P3R3URF: variants seen among roughly 807,000 people sequenced by gnomAD.
P3R3URF encodes P3R3URF protein.
P3R3URF carries 6 observed loss-of-function variants against 8.0 expected under a neutral mutation model. The ratio of observed to expected loss-of-function variants is 0.75; its 90% CI spans 0.41 to 1.47. P3R3URF has a LOEUF of 1.47. P3R3URF is among the 40% of genes most tolerant of loss of function. The probability of loss-of-function intolerance (pLI) is 0.01; values close to 1 mark genes in which losing one functional copy is unlikely to be tolerated. For synonymous variants in P3R3URF, 39 were observed against 36.7 expected, an observed-to-expected ratio of 1.06 and a Z score of -0.23; for missense variants, 121 against 117.3, an observed-to-expected ratio of 1.03 and a Z score of -0.14.
chr1:46,176,467 C>T lies in P3R3URF; in HGVS notation c.5G>A (p.Gly2Glu), dbSNP rs991865302. 7 of 1,535,530 alleles carry T rather than the reference C, an allele frequency of 4.6e-6. No homozygotes were observed. The highest frequency in any genetic ancestry group is 1.2e-5 in the South Asian group (1 of 84,058). M[G>E]PSRLVRGPRP... The stretch of plus-strand genomic sequence containing the variant: ...AGGGCCACGGACAAGCCGAGATGGC[C>T]CCATGGGCACAGGGAGCTTCTGCAG... Residue 2 changes from glycine to glutamate, a missense_variant, in exon 1 of 2, where the codon GGG (glycine) becomes GAG (glutamate). Physicochemically the swap from Gly to Glu is moderately conservative, Grantham distance 98 (BLOSUM62 -2). Transcript: ENST00000506599.
At chr1:46,175,873 T>G (rs1256516971) in intron 1 of P3R3URF, 6 of 118,400 alleles carry the variant, frequency 5.1e-5, no homozygotes, top group South Asian at 1.8e-4. Flanking sequence ...CTGGCTCTGG[T>G]TTTTTTTTTT....
At position 46,176,312 on chromosome 1, in the gene P3R3URF, C is replaced by T; in HGVS notation, c.160G>A (p.Ala54Thr). 19 of 1,535,794 alleles carry T rather than the reference C, an allele frequency of 1.2e-5. No individual in the cohort carries two copies. Among genetic ancestry groups the T allele is most frequent in the Non-Finnish European group, 1.6e-5 (18 of 1,146,926 alleles). ...GCCCTGGTGGCAGGATTGATGGCTG[C>T]ACTGCTGGCAGTTCGACCTCGGAGA... Reference protein sequence around the residue: ...QGLRGRTASSAAINPATRAMG... With the variant: ...QGLRGRTASSTAINPATRAMG... The change falls in exon 1 of 2, where the codon GCA (alanine) becomes ACA (threonine). Residue 54 changes from alanine to threonine, a missense_variant. Transcript: ENST00000506599.
In P3R3URF at chr1:46,176,299, G is replaced by C. The variant is rs774915784; in HGVS notation, c.173C>G (p.Pro58Arg). The C allele has an allele frequency of 3.8e-5, 59 of 1,535,690 alleles. No individual in the cohort carries two copies. The highest frequency in any genetic ancestry group is 5.1e-5 in the Non-Finnish European group (59 of 1,146,924). ...GTTGATACCCATGGCCCTGGTGGCAGGATTGATGGCTGCACTGCTGGCAGT... is the reference window on the plus strand; with the variant it reads ...GTTGATACCCATGGCCCTGGTGGCACGATTGATGGCTGCACTGCTGGCAGT... ...GRTASSAAIN[P>R]ATRAMGINNT... is the part of the protein sequence containing the mutation. Residue 58 changes from proline to arginine, a missense_variant, in exon 1 of 2, where the codon CCT becomes CGT. Coordinates refer to ENST00000506599, the MANE Select transcript of P3R3URF (RefSeq NM_001328655.2).
At chr1:46,176,043 T>C (rs1374456640) in intron 1 of P3R3URF, among the ~76,000 whole-genome samples, 185 bp downstream of exon 1, 4 of 152,086 alleles carry the variant, frequency 2.6e-5, no homozygotes, top group Non-Finnish European at 5.9e-5. Context: ...CGGCTAATTT[T>C]TTTTTGTATT....
At chr1:46,176,171 A>T in intron 1 of P3R3URF, 57 bp downstream of exon 1, 1 of 1,527,228 alleles carries the variant, frequency 6.5e-7, no homozygotes, top group Non-Finnish European at 8.8e-7. Context: ...CACCGCACCC[A>T]GCCTAGTGGC....
chr1:46,176,468 C>T lies in P3R3URF; in HGVS notation c.4G>A (p.Gly2Arg), dbSNP rs889500703. 8 of 1,535,528 alleles carry T rather than the reference C, an allele frequency of 5.2e-6. No homozygotes were observed. The highest frequency in any genetic ancestry group is 7.0e-6 in the Non-Finnish European group (8 of 1,146,878). ...GGGCCACGGACAAGCCGAGATGGCC[C>T]CATGGGCACAGGGAGCTTCTGCAGT... M[G>R]PSRLVRGPRP... Residue 2 changes from glycine (G) to arginine (R), a missense_variant, in exon 1 of 2, where the codon GGG (glycine) becomes AGG (arginine). Physicochemically the swap from Gly to Arg is moderately radical, Grantham distance 125. Coordinates refer to ENST00000506599, the MANE Select transcript of P3R3URF (RefSeq NM_001328655.2).
chr1:46,176,266 T>C lies in P3R3URF; in HGVS notation c.206A>G (p.His69Arg). 1.3e-6 allele frequency: 2 copies of C among 1,535,754 alleles called. No homozygotes were observed. The highest frequency in any genetic ancestry group is 1.4e-5 in the African/African-American group (1 of 73,186). ...ATRAMGINNT[H>R]TDTTIVWIFP... is the part of the protein sequence containing the mutation. ...GATCCACACTATGGTGGTGTCAGTGTGGGTGTTGTTGATACCCATGGCCCT... is the reference window on the plus strand; with the variant it reads ...GATCCACACTATGGTGGTGTCAGTGCGGGTGTTGTTGATACCCATGGCCCT... Residue 69 changes from histidine (H) to arginine (R), a missense_variant, in exon 1 of 2, where the codon CAC (histidine) becomes CGC (arginine). By Grantham distance (29) the His-to-Arg change is conservative. Transcript: ENST00000506599.
chr1:46,176,227 C>A lies in P3R3URF; in HGVS notation c.244+1G>T. 5.2e-6 allele frequency: 8 copies of A among 1,535,394 alleles called. No homozygotes were observed. Among genetic ancestry groups the A allele is most frequent in the African/African-American group, 1.4e-5 (1 of 73,074 alleles). On this transcript the variant is annotated splice_donor_variant, in intron 1 of 1. Coordinates refer to ENST00000506599, the MANE Select transcript of P3R3URF (RefSeq NM_001328655.2). LOFTEE classifies it high-confidence loss of function. ...CCTGGCTCACAGGCCCCCTGGCTAA[C>A]CTTGAGGTGGGAAGATCCACACTAT...
intron 1 of P3R3URF, chr1:46,175,866 G>C: frequency 2.3e-6 from 1 of 429,506 alleles, no homozygotes; most frequent in East Asian, 3.5e-5. Flanking sequence ...ATCTTCACTG[G>C]CTCTGGTTTT....
chr1:46,176,289 C>A lies in P3R3URF; in HGVS notation c.183G>T (p.Arg61Ser), dbSNP rs1312277700. ...ASSAAINPAT[R>S]AMGINNTHTD... Reference sequence around the variant, plus strand: ...TGTGGGTGTTGTTGATACCCATGGCCCTGGTGGCAGGATTGATGGCTGCAC... The same window carrying A: ...TGTGGGTGTTGTTGATACCCATGGCACTGGTGGCAGGATTGATGGCTGCAC... Residue 61 changes from arginine to serine, a missense_variant, in exon 1 of 2, where the codon AGG becomes AGT. By Grantham distance (110) the Arg-to-Ser change is moderately radical. Transcript: ENST00000506599. 2.0e-6 allele frequency: 3 copies of A among 1,535,668 alleles called. No individual in the cohort carries two copies. The East Asian group carries it at 7.3e-5, about 38-fold the overall frequency.
chr1:46,175,992 C>T, intron 1 of P3R3URF: 1 of 545,226 alleles, frequency 1.8e-6, no homozygotes, highest in Non-Finnish European at 3.3e-6. Flanking sequence ...CCTGCCTCAG[C>T]CTCCCAAGTA....
Position 46,176,091 on chromosome 1 carries a change from G to A in P3R3URF, c.244+137C>T, listed in dbSNP as rs1003872942. On this transcript the variant is annotated intron_variant, in intron 1 of 1. Coordinates refer to ENST00000506599, the MANE Select transcript of P3R3URF (RefSeq NM_001328655.2). ...GGGATTTCACCGTGTTAGCCAGGAT[G>A]GTCTCGATCTCCTGACCTTGTGATC... is the stretch of plus-strand genomic sequence containing the variant. The A allele has an allele frequency of 2.8e-5, 25 of 898,250 alleles. No homozygotes were observed. The African/African-American group carries it at 3.5e-4, about 13-fold the overall frequency. The allele number at this position is 898,250 out of a possible 1,614,324, so 55.6% of individuals were successfully genotyped here.
chr1:46,176,128 G>A (rs1032921840), intron 1 of P3R3URF, 100 bp downstream of exon 1: 1 of 1,347,750 alleles, frequency 7.4e-7, no homozygotes, highest in Non-Finnish European at 1.0e-6. Flanking sequence ...GCCCGCCTTG[G>A]CCTCCCAAAG....
chr1:46,176,318 T>G lies in P3R3URF; in HGVS notation c.154A>C (p.Ser52Arg). The G allele has an allele frequency of 2.0e-6, 3 of 1,535,792 alleles. No individual in the cohort carries two copies. The highest frequency in any genetic ancestry group is 2.6e-6 in the Non-Finnish European group (3 of 1,146,936). ...YQQGLRGRTA[S>R]SAAINPATRA... ...GTGGCAGGATTGATGGCTGCACTGC[T>G]GGCAGTTCGACCTCGGAGACCCTGT... The change falls in exon 1 of 2, where the codon AGC (serine) becomes CGC (arginine). Residue 52 changes from serine (S) to arginine (R), a missense_variant. Transcript: ENST00000506599.
chr1:46,175,657 T>A lies in P3R3URF; in HGVS notation c.245-28A>T, dbSNP rs117863102. On this transcript the variant is annotated intron_variant, in intron 1 of 1. Transcript: ENST00000506599. Reference sequence around the variant, plus strand: ...GAGGAGAGGAAGGAGAGGGAAGAGTTTGAGGAAGGAAGCAGTTCTGGAAGT... The same window carrying A: ...GAGGAGAGGAAGGAGAGGGAAGAGTATGAGGAAGGAAGCAGTTCTGGAAGT... The A allele has an allele frequency of 9.2e-4, 369 of 399,712 alleles. 5 individuals are homozygous for A. In the East Asian group the frequency reaches 0.013, roughly 14 times the overall value. 24.8% of individuals were successfully genotyped at this position (399,712 alleles called of 1,614,324 possible). A position where few individuals can be genotyped will look rare whatever the true frequency, so the allele number is the denominator to read the frequency against.
Position 46,175,598 on chromosome 1 carries a change from A to G in P3R3URF, c.276T>C (p.Phe92=), listed in dbSNP as rs1657114833. ...CTTCTGGGCACTTCTAGAGGATCAG[A>G]AAAATCCCAGGTTGCCTGAGATGTC... ...VLRHLRQPGI[F]LIL is the part of the protein sequence containing the mutation. Residue 92 remains phenylalanine, a synonymous_variant, in exon 2 of 2, where the codon TTT becomes TTC. Transcript: ENST00000506599. The G allele has an allele frequency of 2.3e-5, 9 of 399,152 alleles. No homozygotes were observed. The highest frequency in any genetic ancestry group is 4.4e-5 in the Admixed American group (1 of 22,758). The allele number at this position is 399,152 out of a possible 1,614,324, so 24.7% of individuals were successfully genotyped here.
chr1:46,176,007 G>A lies in P3R3URF; in HGVS notation c.244+221C>T, dbSNP rs148064995. On this transcript the variant is annotated intron_variant, in intron 1 of 1. Transcript: ENST00000506599. ...CCTGCCTCAGCCTCCCAAGTAGCTG[G>A]GACTAAAGGCGTGTGCCACCACGCC... Among the ~76,000 whole-genome samples, 727 of 152,202 alleles carry A rather than the reference G, an allele frequency of 4.8e-3. 12 individuals are homozygous for A. Among genetic ancestry groups the A allele is most frequent in the East Asian group, 0.047 (240 of 5,160 alleles).
Position 46,175,607 on chromosome 1 carries a change from A to G in P3R3URF, c.267T>C (p.Pro89=), listed in dbSNP as rs750611054. The G allele has an allele frequency of 5.0e-6, 2 of 399,108 alleles. No homozygotes were observed. The highest frequency in any genetic ancestry group is 2.5e-4 in the South Asian group (2 of 7,874). The allele number at this position is 399,108 out of a possible 1,614,324, so 24.7% of individuals were successfully genotyped here. The change falls in exon 2 of 2, where the codon CCT becomes CCC. Residue 89 remains proline (P), a synonymous_variant. Coordinates refer to ENST00000506599, the MANE Select transcript of P3R3URF (RefSeq NM_001328655.2). ...ACTTCTAGAGGATCAGAAAAATCCC[A>G]GGTTGCCTGAGATGTCTGAGAACTG... ...PPQVLRHLRQ[P]GIFLIL
rs1354318991 is a variant in P3R3URF at position 46,176,351 on chromosome 1, T to G, written c.121A>C (p.Arg41=). The part of the protein sequence containing the change: ...FPRMFKCSRR[R]YQQGLRGRTA... ...CGACCTCGGAGACCCTGTTGATATC[T>G]TCTGCGGCTACACTTGAACATCCTG... Residue 41 remains arginine (R), a synonymous_variant, in exon 1 of 2, where the codon AGA becomes CGA. Transcript: ENST00000506599. 1.3e-6 allele frequency: 2 copies of G among 1,535,632 alleles called. No individual in the cohort carries two copies. The highest frequency in any genetic ancestry group is 2.4e-5 in the East Asian group (1 of 40,924).
Sources: gnomAD v4.1 joint callset for allele counts (sites outside exome capture counted in the v4.1 genomes callset) on GRCh38, gnomAD v4.1.1 for gene constraint, MANE v1.5 for transcripts, NCBI Gene and HGNC (gene_info 2026-07-23, HGNC 2026-07-21) for gene names.